The following TANC2 variants were observed in gnomAD, a reference collection of about 807,000 sequenced individuals.
TANC2 encodes protein TANC2.
A neutral mutation model predicts 210.5 loss-of-function variants in TANC2; 26 were observed. That is an observed-to-expected ratio of 0.12 (90% CI 0.09 to 0.17). The LOEUF (loss-of-function observed/expected upper bound fraction) is 0.17, where lower values mean the gene tolerates loss of function less well. Ranked by LOEUF, TANC2 falls within the 10% of genes least tolerant of loss-of-function variation. The probability of loss-of-function intolerance (pLI) is 1.00; values close to 1 mark genes in which losing one functional copy is unlikely to be tolerated. For missense variants in TANC2, 2,129 were observed against 2,608.9 expected (o/e 0.82, Z 4.01); for synonymous variants, 931 against 967.1 (o/e 0.96, Z 0.69).
rs1211898581 is a variant in TANC2 at position 63,412,773 on chromosome 17, CTT to C, written c.3928+66_3928+67del. 6.5e-7 allele frequency: 1 copy of C among 1,528,344 alleles called. No individual in the cohort carries two copies. Among genetic ancestry groups the C allele is most frequent in the African/African-American group, 1.4e-5 (1 of 72,388 alleles). The allele number at this position is 1,528,344 out of a possible 1,614,324, so 94.7% of individuals were successfully genotyped here. A position where few individuals can be genotyped will look rare whatever the true frequency, so the allele number is the denominator to read the frequency against. On this transcript the variant is annotated intron_variant, in intron 24 of 27. Coordinates refer to ENST00000689528, the Ensembl canonical transcript of TANC2. The surrounding 1 kb of genome is among the most constrained non-coding windows in gnomAD (Gnocchi z 4.2). The stretch of plus-strand genomic sequence containing the variant: ...GGCTTGGTCAGCTTTGCCTTCTCCT[CTT>C]TGGTTTAGCCTGCATGAGTTCCCTA...
At chr17:63,192,397 A>T (rs1207652766) in intron 5 of TANC2, among the ~76,000 whole-genome samples, 1 of 152,340 alleles carries the variant, frequency 6.6e-6, no homozygotes, top group East Asian at 1.9e-4. Flanking sequence ...GGTTGCAGTT[A>T]TCTGTCTCTT....
chr17:63,059,807 G>A (rs940559601), intron 2 of TANC2, among the ~76,000 whole-genome samples: 4 of 151,992 alleles, frequency 2.6e-5, no homozygotes, highest in African/African-American at 9.7e-5. Flanking sequence ...TTACTATTGG[G>A]GATGTCAGAT....
chr17:63,046,014 A>T (rs1381295460), intron 2 of TANC2, among the ~76,000 whole-genome samples: 1 of 152,142 alleles, frequency 6.6e-6, no homozygotes, highest in Non-Finnish European at 1.5e-5. Flanking sequence ...CAACTACTTA[A>T]TCATTGTATT....
chr17:63,281,304 C>T (rs1347121378), intron 9 of TANC2, among the ~76,000 whole-genome samples: 1 of 151,966 alleles, frequency 6.6e-6, no homozygotes, highest in African/African-American at 2.4e-5. Context: ...GGACAGAATC[C>T]CAAAGCTGGC....
At chr17:63,277,694 C>A in intron 9 of TANC2, among the ~76,000 whole-genome samples, 2 of 149,822 alleles carry the variant, frequency 1.3e-5, no homozygotes, top group South Asian at 2.1e-4. Context: ...GCCAGATGGA[C>A]AATGAAATGG....
intron 8 of TANC2, among the ~76,000 whole-genome samples, chr17:63,245,907 G>C (rs1284666046): frequency 6.6e-6 from 1 of 151,346 alleles, no homozygotes; most frequent in Non-Finnish European, 1.5e-5. Flanking sequence ...CTGCTCAGGA[G>C]ACTGAGGCAC....
At chr17:63,061,099 G>T (rs2035980589) in intron 2 of TANC2, among the ~76,000 whole-genome samples, 2 of 152,140 alleles carry the variant, frequency 1.3e-5, no homozygotes. Context: ...AGGCACGGTG[G>T]CTCATGCCTG....
intron 5 of TANC2, among the ~76,000 whole-genome samples, chr17:63,158,015 T>G (rs2039896047): frequency 6.6e-6 from 1 of 152,204 alleles, no homozygotes; most frequent in Non-Finnish European, 1.5e-5. Context: ...AGAATAAAAT[T>G]TCATGTATAC....
chr17:63,318,853 C>G (rs1416092246), intron 10 of TANC2, 104 bp from the exon 11 acceptor site: 2 of 1,334,564 alleles, frequency 1.5e-6, no homozygotes, highest in Non-Finnish European at 2.1e-6. Context: ...TAAGTATATA[C>G]TTAGGAGCAG....
At chr17:63,186,108 T>C (rs2040973403) in intron 5 of TANC2, among the ~76,000 whole-genome samples, 1 of 152,200 alleles carries the variant, frequency 6.6e-6, no homozygotes, top group African/African-American at 2.4e-5. Context: ...AGGATTTACT[T>C]TTCCATATGG....
At chr17:63,409,831 G>A (rs552106343) in intron 21 of TANC2, among the ~76,000 whole-genome samples, 8 of 152,174 alleles carry the variant, frequency 5.3e-5, no homozygotes, top group Admixed American at 1.3e-4. Context: ...TTTTGATGCA[G>A]GCTGTATATC....
chr17:63,224,781 G>A (rs973571840), intron 7 of TANC2, among the ~76,000 whole-genome samples: 3 of 152,166 alleles, frequency 2.0e-5, no homozygotes, highest in Non-Finnish European at 4.4e-5. Context: ...CCTCCAGGGA[G>A]TGGAGAGAGG....
intron 4 of TANC2, among the ~76,000 whole-genome samples, chr17:63,142,853 C>A (rs2039335210): frequency 6.6e-6 from 1 of 152,144 alleles, no homozygotes; most frequent in Non-Finnish European, 1.5e-5. Context: ...ATATTAAACT[C>A]CGATGAGTTG....
chr17:63,142,594 G>A (rs4387652), intron 4 of TANC2, among the ~76,000 whole-genome samples: 90,118 of 151,910 alleles, frequency 0.59, 28,977 homozygotes, highest in African/African-American at 0.84. Flanking sequence ...TTTATTTGCT[G>A]TTTCATTGAG....
chr17:63,379,916 C>T, intron 15 of TANC2, 90 bp downstream of exon 15: 1 of 1,120,410 alleles, frequency 8.9e-7, no homozygotes, highest in Non-Finnish European at 1.3e-6. Flanking sequence ...TAGTCCCTGC[C>T]TTCTGAAGTT....
chr17:63,079,592 C>T (rs77428091), intron 3 of TANC2, among the ~76,000 whole-genome samples: 4,486 of 152,296 alleles, frequency 0.029, 82 homozygotes, highest in South Asian at 0.037. Context: ...CCTACCAGGA[C>T]AGATGCTAGT....
chr17:63,420,024 C>G lies in TANC2; in HGVS notation c.4294C>G (p.Leu1432Val). The G allele has an allele frequency of 6.5e-7, 1 of 1,550,168 alleles. No individual in the cohort carries two copies. Among genetic ancestry groups the G allele is most frequent in the Non-Finnish European group, 8.7e-7 (1 of 1,145,522 alleles). The change falls in exon 28 of 28, where the codon CTG becomes GTG. Residue 1432 changes from leucine to valine, a missense_variant. Around this residue, in one of 5 missense-constraint regions of TANC2, gnomAD observed 644 missense variants for 937.5 expected, o/e 0.69. Coordinates refer to ENST00000689528, the Ensembl canonical transcript of TANC2. This position sits in a 1 kb window ranked among gnomAD's most constrained non-coding sequence, Gnocchi z 4.2. ...ACAGTTCGCAGCAGCCTTAGAGGACCTGAACGAGGCCATCAAGCTGTGTCC... is the reference window on the plus strand; with the variant it reads ...ACAGTTCGCAGCAGCCTTAGAGGACGTGAACGAGGCCATCAAGCTGTGTCC...
chr17:63,331,385 A>G (rs1304900525), intron 11 of TANC2, among the ~76,000 whole-genome samples: 1 of 152,212 alleles, frequency 6.6e-6, no homozygotes, highest in Non-Finnish European at 1.5e-5. Flanking sequence ...AGTGTACTTT[A>G]CCAAATAATT....
chr17:63,405,306 G>A, intron 20 of TANC2, 51 bp downstream of exon 20: 1 of 1,482,376 alleles, frequency 6.7e-7, no homozygotes, highest in Non-Finnish European at 9.1e-7. Context: ...AGTTCTAGGT[G>A]AGGACTTCTG....
Sources: allele counts gnomAD v4.1 joint callset (sites outside exome capture counted in the v4.1 genomes callset), GRCh38; gene constraint gnomAD v4.1.1; regional missense constraint gnomAD v4.1.1; non-coding constraint Gnocchi (gnomAD v3.1); transcripts MANE v1.5; gene names NCBI Gene and HGNC (gene_info 2026-07-23, HGNC 2026-07-21).